The following ARHGEF12 variants were observed in gnomAD, a reference collection of about 807,000 sequenced individuals.
The protein encoded by ARHGEF12 is KMT2A/ARHGEF12 fusion protein.
A neutral mutation model predicts 211.2 loss-of-function variants in ARHGEF12; 66 were observed. The observed-to-expected ratio is 0.31, with a 90% CI of 0.26 to 0.38. ARHGEF12 has a LOEUF of 0.38. Ranked by LOEUF, ARHGEF12 falls within the 10% of genes least tolerant of loss-of-function variation. The pLI, the probability that ARHGEF12 is intolerant of heterozygous loss-of-function variation, is 1.00. For synonymous variants in ARHGEF12, 592 were observed against 638.4 expected (o/e 0.93, Z 1.09); for missense variants, 1,429 against 1,869.5 (o/e 0.76, Z 4.34).
chr11:120,352,896 T>C (rs1943026843), intron 1 of ARHGEF12, among the ~76,000 whole-genome samples: 1 of 152,236 alleles, frequency 6.6e-6, no homozygotes, highest in Admixed American at 6.5e-5. Context: ...TGGGAAAGCA[T>C]GCCAGGGTCA....
Position 120,465,068 on chromosome 11 carries a change from C to G in ARHGEF12, c.2614-169C>G, listed in dbSNP as rs570180791. ...ATGATCAGAAAAGGTCTGGTTGTGTCAAGATCAGACCTTTTTAATGGAGAA... is the reference window on the plus strand; with the variant it reads ...ATGATCAGAAAAGGTCTGGTTGTGTGAAGATCAGACCTTTTTAATGGAGAA... On this transcript the variant is annotated intron_variant, in intron 27 of 40. Transcript: ENST00000397843. 7.4e-6 allele frequency: 6 copies of G among 805,730 alleles called. No homozygotes were observed. The South Asian group carries it at 1.1e-4, about 15-fold the overall frequency. 49.9% of individuals were successfully genotyped at this position (805,730 alleles called of 1,614,324 possible).
At chr11:120,354,932 C>T (rs1156722856) in intron 1 of ARHGEF12, among the ~76,000 whole-genome samples, 1 of 152,200 alleles carries the variant, frequency 6.6e-6, no homozygotes, top group Non-Finnish European at 1.5e-5. Context: ...TGCTTTTTCC[C>T]ATGCTTGCAG....
At chr11:120,426,354 A>C (rs913096927) in intron 7 of ARHGEF12, among the ~76,000 whole-genome samples, 7 of 152,214 alleles carry the variant, frequency 4.6e-5, no homozygotes, top group Admixed American at 1.3e-4. Flanking sequence ...CCCAATAGTA[A>C]GGGCATAGCT....
intron 6 of ARHGEF12, among the ~76,000 whole-genome samples, chr11:120,423,133 TACATA>T (rs1208217591): frequency 6.6e-6 from 1 of 152,066 alleles, no homozygotes; most frequent in Non-Finnish European, 1.5e-5. Flanking sequence ...GTAACTGAAA[TACATA>T]ACATATTAAT....
At chr11:120,456,012 C>T (rs749736894) in intron 22 of ARHGEF12, among the ~76,000 whole-genome samples, 5 of 151,878 alleles carry the variant, frequency 3.3e-5, no homozygotes, top group Non-Finnish European at 4.4e-5. Flanking sequence ...ATCATTGGAC[C>T]GGTAGGAAAA....
At chr11:120,385,363 A>G (rs114419473) in intron 1 of ARHGEF12, 21 of 985,380 alleles carry the variant, frequency 2.1e-5, no homozygotes, top group African/African-American at 3.5e-5. Flanking sequence ...TCGAATGTAT[A>G]TATAAAGAAA....
chr11:120,373,866 G>A (rs1300103030), intron 1 of ARHGEF12, among the ~76,000 whole-genome samples: 1 of 152,152 alleles, frequency 6.6e-6, no homozygotes, highest in Non-Finnish European at 1.5e-5. Flanking sequence ...GGAGTGCAAT[G>A]GCGCGATCTC....
intron 6 of ARHGEF12, 70 bp from the exon 7 acceptor site, chr11:120,424,288 T>C: frequency 1.9e-6 from 2 of 1,065,180 alleles, no homozygotes; most frequent in South Asian, 2.7e-5. Flanking sequence ...TGTATGATAA[T>C]TCTTGAAGTC....
intron 1 of ARHGEF12, among the ~76,000 whole-genome samples, chr11:120,351,190 A>G (rs995103624): frequency 6.6e-6 from 1 of 150,986 alleles, no homozygotes; most frequent in Non-Finnish European, 1.5e-5. Context: ...TCTACTAAAA[A>G]TACAAAAAAA....
chr11:120,398,143 T>A (rs1393548784), intron 1 of ARHGEF12, among the ~76,000 whole-genome samples: 6 of 152,224 alleles, frequency 3.9e-5, no homozygotes, highest in African/African-American at 1.4e-4. Flanking sequence ...AGGAATTATC[T>A]TGAAAATGTT....
chr11:120,344,425 G>A (rs1288357247), intron 1 of ARHGEF12, among the ~76,000 whole-genome samples: 1 of 152,082 alleles, frequency 6.6e-6, no homozygotes, highest in African/African-American at 2.4e-5. Flanking sequence ...ATCCTGTGAA[G>A]GTGCTTAGAC....
intron 1 of ARHGEF12, among the ~76,000 whole-genome samples, chr11:120,396,532 T>G (rs573149968): frequency 6.6e-6 from 1 of 152,326 alleles, no homozygotes; most frequent in Admixed American, 6.5e-5. Context: ...ACTTCACCCC[T>G]GTGGTATTCC....
At chr11:120,414,997 T>C (rs1944988457) in intron 4 of ARHGEF12, among the ~76,000 whole-genome samples, 1 of 152,200 alleles carries the variant, frequency 6.6e-6, no homozygotes, top group African/African-American at 2.4e-5. Flanking sequence ...ATATAGCACA[T>C]ATCAAAGTAA....
chr11:120,487,325 A>G lies in ARHGEF12; in HGVS notation c.*2248A>G, dbSNP rs1450203091. Reference sequence around the variant, plus strand: ...GACTAACTGGAAAAATACTTTGACCATAGCTCTAGTACTTCCAAATAAATT... The same window carrying G: ...GACTAACTGGAAAAATACTTTGACCGTAGCTCTAGTACTTCCAAATAAATT... On this transcript the variant is annotated 3_prime_UTR_variant, in exon 41 of 41. Transcript: ENST00000397843. 4.6e-6 allele frequency: 1 copy of G among 219,580 alleles called. No individual in the cohort carries two copies. The highest frequency in any genetic ancestry group is 9.1e-6 in the Non-Finnish European group (1 of 109,682). The allele number at this position is 219,580 out of a possible 1,614,324, so 13.6% of individuals were successfully genotyped here.
chr11:120,437,942 T>C (rs1945745285), intron 12 of ARHGEF12, among the ~76,000 whole-genome samples: 1 of 152,218 alleles, frequency 6.6e-6, no homozygotes, highest in Non-Finnish European at 1.5e-5. Flanking sequence ...TTCCATGACA[T>C]GTATATACAC....
intron 24 of ARHGEF12, 123 bp from the exon 25 acceptor site, chr11:120,457,957 G>A: frequency 8.7e-6 from 11 of 1,268,884 alleles, no homozygotes; most frequent in Non-Finnish European, 1.2e-5. Flanking sequence ...AGGAGAGGAT[G>A]AAATTTCAGT....
intron 2 of ARHGEF12, among the ~76,000 whole-genome samples, chr11:120,406,540 ATTAC>A (rs1314420631): frequency 2.0e-5 from 3 of 151,826 alleles, no homozygotes; most frequent in African/African-American, 7.3e-5. Context: ...TTTAGTCTTA[ATTAC>A]TTTATTTTTT....
In ARHGEF12 at chr11:120,344,285, A is replaced by C. The variant is rs867131503; in HGVS notation, c.32+7010A>C. Among the ~76,000 whole-genome samples, 853 of 151,138 alleles carry C rather than the reference A, an allele frequency of 5.6e-3. 11 individuals are homozygous for C. Among genetic ancestry groups the C allele is most frequent in the African/African-American group, 0.02 (803 of 40,982 alleles). ...CGTCTCAAAAAAAAAAAAAAAAAAA[A>C]AAAAAAAAACTGGAGACTTCATCAG... is the stretch of plus-strand genomic sequence containing the variant. On this transcript the variant is annotated intron_variant, in intron 1 of 40. Transcript: ENST00000397843.
At chr11:120,409,563 G>A in intron 4 of ARHGEF12, 113 bp downstream of exon 4, 1 of 1,055,270 alleles carries the variant, frequency 9.5e-7, no homozygotes, top group South Asian at 1.5e-5. Context: ...AGCCTTTCTT[G>A]TGTCTGCTGT....
Sources: allele counts gnomAD v4.1 joint callset (sites outside exome capture counted in the v4.1 genomes callset), GRCh38; gene constraint gnomAD v4.1.1; transcripts MANE v1.5; gene names NCBI Gene and HGNC (gene_info 2026-07-23, HGNC 2026-07-21).